Variants in TDRD7 observed in about 807,000 individuals in gnomAD.
The protein encoded by TDRD7 is tudor domain containing 7, also known as tudor domain-containing protein 7.
A neutral mutation model predicts 109.8 loss-of-function variants in TDRD7; 47 were observed. That is an observed-to-expected ratio of 0.43 (90% CI 0.34 to 0.55). The LOEUF (loss-of-function observed/expected upper bound fraction) is 0.55, where lower values mean the gene tolerates loss of function less well. TDRD7 is among the 20% of genes least tolerant of loss of function. TDRD7 has a pLI of 0.03. For synonymous variants in TDRD7, 424 were observed against 457.3 expected (o/e 0.93, Z 0.93); for missense variants, 1,164 against 1,319.2 (o/e 0.88, Z 1.82).
At chr9:97,455,551 TAAAC>T (rs1243471215) in intron 6 of TDRD7, among the ~76,000 whole-genome samples, 1 of 152,184 alleles carries the variant, frequency 6.6e-6, no homozygotes, top group Admixed American at 6.5e-5. Flanking sequence ...ATCCATCACA[TAAAC>T]AGAACCAAAG....
chr9:97,482,888 T>A lies in TDRD7; in HGVS notation c.2452T>A (p.Tyr818Asn). Residue 818 changes from tyrosine (Y) to asparagine (N), a missense_variant, in exon 15 of 17, where the codon TAT (tyrosine) becomes AAT (asparagine). By Grantham distance (143) the Tyr-to-Asn change is moderately radical. Coordinates refer to ENST00000355295, the MANE Select transcript of TDRD7 (RefSeq NM_014290.3). ...VDETRGIAHVYLFTPKNFPDP... is the reference protein window; with the variant it reads ...VDETRGIAHVNLFTPKNFPDP... ...TGAAACCAGAGGGATCGCACATGTT[T>A]ATTTATTTACCCCTAAGAACTTCCC... 1 of 1,614,170 alleles carries A rather than the reference T, an allele frequency of 6.2e-7. No homozygotes were observed.
intron 8 of TDRD7, among the ~76,000 whole-genome samples, chr9:97,467,770 T>C (rs1230718723): frequency 1.3e-5 from 2 of 152,196 alleles, no homozygotes; most frequent in African/African-American, 4.8e-5. Context: ...TGGATTGTAT[T>C]ATAGTAGGGC....
At chr9:97,480,491 G>T in intron 13 of TDRD7, 1 of 294,032 alleles carries the variant, frequency 3.4e-6, no homozygotes, top group Non-Finnish European at 6.6e-6. Flanking sequence ...CCCTGTCTTT[G>T]CAACTTTGGT....
intron 16 of TDRD7, among the ~76,000 whole-genome samples, chr9:97,493,579 A>G (rs1379300429): frequency 6.6e-6 from 1 of 152,224 alleles, no homozygotes; most frequent in Non-Finnish European, 1.5e-5. Context: ...GTCATTGATA[A>G]CATCTTATCA....
In TDRD7 at chr9:97,431,529, A is replaced by G. The variant is rs142132215; in HGVS notation, c.349+455A>G. ...CTTTGTTTACCGAACACTTATCTCA[A>G]GGATCTTACAATCAGTTCTAAAACT... is the stretch of plus-strand genomic sequence containing the variant. On this transcript the variant is annotated intron_variant, in intron 3 of 16. Coordinates refer to ENST00000355295, the MANE Select transcript of TDRD7 (RefSeq NM_014290.3). Among the ~76,000 whole-genome samples, 204 of 152,344 alleles carry G rather than the reference A, an allele frequency of 1.3e-3. 2 individuals carry two copies. The East Asian group carries it at 0.033, about 25-fold the overall frequency.
At chr9:97,494,429 AC>A (rs1310308218) in intron 16 of TDRD7, among the ~76,000 whole-genome samples, 1 of 152,168 alleles carries the variant, frequency 6.6e-6, no homozygotes, top group Non-Finnish European at 1.5e-5. Context: ...ATCATCTTTT[AC>A]CTTACCAATG....
chr9:97,439,109 T>G (rs1287993895), intron 4 of TDRD7, 136 bp from the exon 5 acceptor site: 3 of 526,210 alleles, frequency 5.7e-6, no homozygotes, highest in Non-Finnish European at 9.2e-6. Flanking sequence ...TTATTTTTTC[T>G]GATTTTAAAT....
intron 6 of TDRD7, among the ~76,000 whole-genome samples, chr9:97,454,235 C>G (rs1369309301): frequency 6.6e-6 from 1 of 152,188 alleles, no homozygotes; most frequent in East Asian, 1.9e-4. Context: ...AATCCCAGCA[C>G]TTTGGGAGGC....
intron 14 of TDRD7, 72 bp downstream of exon 14, chr9:97,481,010 T>C: frequency 1.5e-6 from 2 of 1,329,116 alleles, no homozygotes; most frequent in Non-Finnish European, 2.2e-6. Context: ...TTAGTTTTTG[T>C]GAAGGAATTT....
intron 6 of TDRD7, among the ~76,000 whole-genome samples, chr9:97,453,992 CAG>C (rs1828555594): frequency 6.6e-6 from 1 of 152,148 alleles, no homozygotes; most frequent in South Asian, 2.1e-4. Flanking sequence ...ACCAACAAGA[CAG>C]AAAATTAACA....
intron 16 of TDRD7, among the ~76,000 whole-genome samples, chr9:97,492,404 G>C (rs1326169995): frequency 2.0e-5 from 3 of 152,166 alleles, no homozygotes; most frequent in African/African-American, 4.8e-5. Context: ...TCAGCACTCT[G>C]CCTCTTCAGT....
At chr9:97,473,426 C>G in intron 10 of TDRD7, 66 bp from the exon 11 acceptor site, 3 of 1,606,812 alleles carry the variant, frequency 1.9e-6, no homozygotes, top group South Asian at 2.2e-5. Context: ...AGGTAGATAC[C>G]CTTTAGGTAG....
At chr9:97,450,683 A>G (rs1010412990) in intron 6 of TDRD7, among the ~76,000 whole-genome samples, 2 of 152,176 alleles carry the variant, frequency 1.3e-5, no homozygotes, top group Admixed American at 6.5e-5. Context: ...ATATAGTAGT[A>G]GGTCTCTTTC....
intron 7 of TDRD7, among the ~76,000 whole-genome samples, chr9:97,463,757 G>C (rs1456794909): frequency 3.3e-5 from 5 of 152,154 alleles, no homozygotes; most frequent in Admixed American, 1.3e-4. Context: ...AGCCTGTTTT[G>C]ATAACATGAA....
rs772184463 is a variant in TDRD7, at chr9:97,495,917, A to G, written c.*34A>G. The G allele has an allele frequency of 6.4e-7, 1 of 1,574,000 alleles. No individual in the cohort carries two copies. The highest frequency in any genetic ancestry group is 1.1e-5 in the South Asian group (1 of 90,026). On this transcript the variant is annotated 3_prime_UTR_variant, in exon 17 of 17. Coordinates refer to ENST00000355295, the MANE Select transcript of TDRD7 (RefSeq NM_014290.3). Reference sequence around the variant, plus strand: ...TCTGAAACCTTGACAACTAATTCAGATTTTTTAGCAATAACAAAATGTAGT... The same window carrying G: ...TCTGAAACCTTGACAACTAATTCAGGTTTTTTAGCAATAACAAAATGTAGT...
chr9:97,468,639 C>T (rs956896613), intron 8 of TDRD7, among the ~76,000 whole-genome samples: 1 of 152,214 alleles, frequency 6.6e-6, no homozygotes, highest in Non-Finnish European at 1.5e-5. Context: ...TCCTTCCTTG[C>T]TTTCCCTGTC....
intron 6 of TDRD7, among the ~76,000 whole-genome samples, chr9:97,442,655 A>G (rs1263831560): frequency 6.6e-6 from 1 of 152,262 alleles, no homozygotes; most frequent in African/African-American, 2.4e-5. Context: ...CTAGGCTTGT[A>G]GAATTAAATA....
At chr9:97,417,916 G>A (rs944960150) in intron 1 of TDRD7, among the ~76,000 whole-genome samples, 2 of 152,200 alleles carry the variant, frequency 1.3e-5, no homozygotes, top group Non-Finnish European at 2.9e-5. Context: ...CGTGAGGTCA[G>A]GAGTTCAAGA....
At chr9:97,484,986 TTTAG>T (rs1329130254) in intron 15 of TDRD7, among the ~76,000 whole-genome samples, 2 of 152,222 alleles carry the variant, frequency 1.3e-5, no homozygotes, top group African/African-American at 4.8e-5. Flanking sequence ...ACTCTTGGAC[TTTAG>T]TTAATTTGTC....
Sources: allele counts gnomAD v4.1 joint callset (sites outside exome capture counted in the v4.1 genomes callset), GRCh38; gene constraint gnomAD v4.1.1; transcripts MANE v1.5; gene names NCBI Gene and HGNC (gene_info 2026-07-23, HGNC 2026-07-21).